The following PATL2 variants were observed in gnomAD, a reference collection of about 807,000 sequenced individuals.
The protein encoded by PATL2 is PAT1 homolog 2, also known as protein PAT1 homolog 2.
PATL2 carries 73 observed loss-of-function variants against 77.0 expected under a neutral mutation model. The observed-to-expected ratio is 0.95, with a 90% confidence interval of 0.78 to 1.15. The LOEUF is 1.15. Among genes scored for constraint, PATL2 ranks in the 50% most tolerant of loss-of-function variants. PATL2 has a pLI of 0.00. For missense variants in PATL2, 618 were observed against 655.4 expected, an observed-to-expected ratio of 0.94 and a Z score of 0.62; for synonymous variants, 265 against 257.1, an observed-to-expected ratio of 1.03 and a Z score of -0.29.
intron 3 of PATL2, among the ~76,000 whole-genome samples, chr15:44,699,770 T>G (rs939690729): frequency 6.6e-6 from 1 of 152,244 alleles, no homozygotes; most frequent in Middle Eastern, 3.2e-3. Flanking sequence ...CTTTCTCCAA[T>G]GTAGGTTTTT....
At chr15:44,677,283 C>T (rs186272849) in intron 3 of PATL2, among the ~76,000 whole-genome samples, 7 of 152,236 alleles carry the variant, frequency 4.6e-5, no homozygotes, top group East Asian at 1.9e-4. Flanking sequence ...ACATTCCTGG[C>T]GCTTCAGGGC....
chr15:44,669,644 G>T, intron 11 of PATL2, 81 bp from the exon 12 acceptor site: 1 of 1,517,872 alleles, frequency 6.6e-7, no homozygotes, highest in South Asian at 1.2e-5. Flanking sequence ...GCTAGAGATT[G>T]AGCTGGAAAG....
chr15:44,687,671 C>T (rs1359157818), intron 3 of PATL2, among the ~76,000 whole-genome samples: 1 of 152,150 alleles, frequency 6.6e-6, no homozygotes, highest in East Asian at 1.9e-4. Flanking sequence ...TAGTCTCAGC[C>T]CAAAATCTCC....
Position 44,675,483 on chromosome 15 carries a change from T to TA in PATL2, c.222+2dup. On this transcript the variant is annotated splice_region_variant and intron_variant, in intron 5 of 17. Coordinates refer to ENST00000682850, the MANE Select transcript of PATL2 (RefSeq NM_001387263.1). ...CCTCTCCCATTCCCTTCTGCCATGG[T>TA]ACCTGGGTGTTGTGGACAGCACCAA... 6.4e-7 allele frequency: 1 copy of TA among 1,550,674 alleles called. No homozygotes were observed.
At chr15:44,683,687 C>A (rs1433501368) in intron 3 of PATL2, among the ~76,000 whole-genome samples, 1 of 152,188 alleles carries the variant, frequency 6.6e-6, no homozygotes, top group African/African-American at 2.4e-5. Flanking sequence ...CTTAAACATT[C>A]CTGCCTGCTG....
At chr15:44,682,324 AG>A (rs2086151595) in intron 3 of PATL2, among the ~76,000 whole-genome samples, 1 of 152,210 alleles carries the variant, frequency 6.6e-6, no homozygotes, top group African/African-American at 2.4e-5. Flanking sequence ...AGCCTGGGAT[AG>A]GCACCCTTAT....
chr15:44,677,090 T>C (rs78276255), intron 3 of PATL2, among the ~76,000 whole-genome samples: 2,968 of 152,334 alleles, frequency 0.019, 104 homozygotes, highest in African/African-American at 0.068. Flanking sequence ...TAGCCATCCA[T>C]GGCTTTTAGT....
In PATL2 at chr15:44,666,387, C is replaced by T. The variant is rs768830712; in HGVS notation, c.1613+5G>A. ...GGCTTTGACCTTGTTTCTGCCATTA[C>T]TTACTCCATCCTGGCCTCCAGCTGC... On this transcript the variant is annotated splice_donor_5th_base_variant and intron_variant, in intron 17 of 17. Transcript: ENST00000682850. The T allele has an allele frequency of 6.4e-7, 1 of 1,551,564 alleles. No individual in the cohort carries two copies. Among genetic ancestry groups the T allele is most frequent in the Non-Finnish European group, 8.7e-7 (1 of 1,147,004 alleles).
chr15:44,673,562 A>G (rs1387861350), intron 6 of PATL2, among the ~76,000 whole-genome samples, 185 bp from the exon 7 acceptor site: 2 of 152,168 alleles, frequency 1.3e-5, no homozygotes, highest in Non-Finnish European at 2.9e-5. Context: ...CCTTGTTTCA[A>G]CAGGGCTTGA....
intron 3 of PATL2, among the ~76,000 whole-genome samples, chr15:44,701,398 A>G (rs953457640): frequency 1.1e-4 from 17 of 151,878 alleles, no homozygotes; most frequent in Admixed American, 5.9e-4. Flanking sequence ...TTGCATTGCT[A>G]TAAAGAAATA....
At chr15:44,667,524 A>C (rs965531395) in intron 15 of PATL2, among the ~76,000 whole-genome samples, 2 of 152,212 alleles carry the variant, frequency 1.3e-5, no homozygotes, top group African/African-American at 4.8e-5. Flanking sequence ...CCCCACTTTA[A>C]GAGGCACTTC....
chr15:44,697,704 G>T (rs865996869), intron 3 of PATL2, among the ~76,000 whole-genome samples: 21 of 152,082 alleles, frequency 1.4e-4, no homozygotes, highest in African/African-American at 4.3e-4. Flanking sequence ...TCCCTTCTCG[G>T]AAAGTGCCAA....
At position 44,672,415 on chromosome 15, in the gene PATL2, T is replaced by A. The variant is rs2085734025; in HGVS notation, c.488A>T (p.Gln163Leu). ...QLHPRHQRIL[Q>L]QQQHSQTPSP... ...TGGTGTTTGACTATGCTGCTGCTGCTGCAAGATTCGTTGGTGCCGAGGGTG... is the reference window on the plus strand; with the variant it reads ...TGGTGTTTGACTATGCTGCTGCTGCAGCAAGATTCGTTGGTGCCGAGGGTG... Residue 163 changes from glutamine (Q) to leucine (L), a missense_variant, in exon 8 of 18, where the codon CAG (glutamine) becomes CTG (leucine). Physicochemically the swap from Gln to Leu is moderately radical, Grantham distance 113. Transcript: ENST00000682850. 1 of 1,551,702 alleles carries A rather than the reference T, an allele frequency of 6.4e-7. No homozygotes were observed. The highest frequency in any genetic ancestry group is 8.7e-7 in the Non-Finnish European group (1 of 1,146,994).
intron 11 of PATL2, 67 bp downstream of exon 11, chr15:44,669,708 AAC>A: frequency 6.5e-7 from 1 of 1,527,070 alleles, no homozygotes; most frequent in South Asian, 1.2e-5. Context: ...CACAGTCTTA[AAC>A]ACAAGAATGT....
intron 3 of PATL2, among the ~76,000 whole-genome samples, chr15:44,696,640 G>A (rs879930953): frequency 5.9e-5 from 9 of 151,990 alleles, no homozygotes; most frequent in Non-Finnish European, 1.2e-4. Context: ...CCCAAATAAA[G>A]ATAATAGTAC....
Position 44,669,424 on chromosome 15 carries a change from G to A in PATL2, c.931-11C>T. On this transcript the variant is annotated splice_polypyrimidine_tract_variant and intron_variant, in intron 12 of 17. Coordinates refer to ENST00000682850, the MANE Select transcript of PATL2 (RefSeq NM_001387263.1). Reference sequence around the variant, plus strand: ...TAACTGAAGGAACATCTGGGAATTTGAGGGTGGAAAAAAGAGGTAAATTTG... The same window carrying A: ...TAACTGAAGGAACATCTGGGAATTTAAGGGTGGAAAAAAGAGGTAAATTTG... The A allele has an allele frequency of 5.2e-6, 8 of 1,548,390 alleles. No homozygotes were observed. Among genetic ancestry groups the A allele is most frequent in the Non-Finnish European group, 7.0e-6 (8 of 1,144,318 alleles).
At position 44,690,145 on chromosome 15, in the gene PATL2, C is replaced by T. The variant is rs149668501; in HGVS notation, c.-75-13580G>A. ...CGGAGGTTGCCATGAGCTGAGATAG[C>T]GCCATTGCACTCCAGCCTGGGCAAC... On this transcript the variant is annotated intron_variant, in intron 3 of 17. Coordinates refer to ENST00000682850, the MANE Select transcript of PATL2 (RefSeq NM_001387263.1). 3.9e-3 allele frequency among the ~76,000 whole-genome samples: 592 copies of T among 152,092 alleles called. 19 individuals are homozygous for T. Among genetic ancestry groups the T allele is most frequent in the East Asian group, 0.035 (179 of 5,144 alleles).
intron 4 of PATL2, chr15:44,676,044 A>C: frequency 3.2e-6 from 1 of 312,370 alleles, no homozygotes; most frequent in Non-Finnish European, 5.9e-6. Context: ...AGCAAACAAA[A>C]GGAACCCGGC....
intron 3 of PATL2, among the ~76,000 whole-genome samples, chr15:44,706,380 C>T (rs1255639368): frequency 6.6e-6 from 1 of 152,172 alleles, no homozygotes; most frequent in East Asian, 1.9e-4. Context: ...GAGGGCACAC[C>T]AAGCACAGAA....
Sources: allele counts gnomAD v4.1 joint callset (sites outside exome capture counted in the v4.1 genomes callset), GRCh38; gene constraint gnomAD v4.1.1; transcripts MANE v1.5; gene names NCBI Gene and HGNC (gene_info 2026-07-23, HGNC 2026-07-21).